Variants in IL20RB observed in about 807,000 individuals in gnomAD.
IL20RB encodes the protein interleukin 20 receptor subunit beta, also known as interleukin-20 receptor subunit beta.
In IL20RB, 21 loss-of-function variants were observed where a neutral mutation model predicts 33.3. The ratio of observed to expected loss-of-function variants is 0.63; its 90% confidence interval spans 0.45 to 0.91. The LOEUF (loss-of-function observed/expected upper bound fraction) is 0.91. Ranked by LOEUF, IL20RB falls within the 40% of genes least tolerant of loss-of-function variation. The pLI is 0.00. For missense variants in IL20RB, 345 were observed against 384.8 expected, an observed-to-expected ratio of 0.90 and a Z score of 0.86; for synonymous variants, 147 against 146.8, an observed-to-expected ratio of 1.00 and a Z score of -0.01.
intron 1 of IL20RB, among the ~76,000 whole-genome samples, chr3:136,959,869 GC>G (rs1447034332): frequency 6.6e-6 from 1 of 152,136 alleles, no homozygotes; most frequent in Non-Finnish European, 1.5e-5. Flanking sequence ...GGTCATAATA[GC>G]CACTTTGAGG....
At chr3:136,981,939 A>G (rs1019768390) in intron 2 of IL20RB, 3 of 366,186 alleles carry the variant, frequency 8.2e-6, no homozygotes, top group Non-Finnish European at 1.5e-5. Flanking sequence ...AAAGAGATCC[A>G]GACACATTGA....
rs754421464 is a variant in IL20RB, at chr3:136,975,739, G to A, written c.89-4727G>A. On this transcript the variant is annotated intron_variant, in intron 1 of 6. Transcript: ENST00000329582. ...TTATTGGAGTCTGTGGTGAAGTTGT[G>A]CTGTGGGATGCCAGATGGGCTGGTC... Among the ~76,000 whole-genome samples, 6 of 152,310 alleles carry A rather than the reference G, an allele frequency of 3.9e-5. No individual in the cohort carries two copies. In the East Asian group the frequency reaches 1.2e-3, roughly 29 times the overall value.
At chr3:137,000,906 G>C (rs1188773423) in intron 6 of IL20RB, among the ~76,000 whole-genome samples, 1 of 152,174 alleles carries the variant, frequency 6.6e-6, no homozygotes, top group Non-Finnish European at 1.5e-5. Context: ...GGGGCCAGAA[G>C]AGTTTTTCTC....
Position 136,982,439 on chromosome 3 carries a change from A to G in IL20RB, c.406+89A>G, listed in dbSNP as rs901374765. ...CTAAACTTTCTAGACTCTTTTTAGC[A>G]TCAGAATAGTCCTGCAAAGCCAGAG... is the stretch of plus-strand genomic sequence containing the variant. On this transcript the variant is annotated intron_variant, in intron 3 of 6. Transcript: ENST00000329582. The G allele has an allele frequency of 4.7e-5, 47 of 1,001,984 alleles. No homozygotes were observed. In the Middle Eastern group the frequency reaches 1.7e-3, roughly 37 times the overall value. 62.1% of individuals were successfully genotyped at this position (1,001,984 alleles called of 1,614,324 possible).
At chr3:137,008,381 A>C (rs1385578534) in intron 6 of IL20RB, among the ~76,000 whole-genome samples, 1 of 152,240 alleles carries the variant, frequency 6.6e-6, no homozygotes, top group Non-Finnish European at 1.5e-5. Flanking sequence ...CAGCGACAGC[A>C]GGTTGCTACC....
chr3:137,005,074 G>C (rs1372256464), intron 6 of IL20RB, among the ~76,000 whole-genome samples: 1 of 152,190 alleles, frequency 6.6e-6, no homozygotes, highest in Non-Finnish European at 1.5e-5. Flanking sequence ...TAGTTGTGTG[G>C]TTTTGAGTGA....
At chr3:137,000,899 G>T (rs1443107672) in intron 6 of IL20RB, among the ~76,000 whole-genome samples, 1 of 152,076 alleles carries the variant, frequency 6.6e-6, no homozygotes, top group Non-Finnish European at 1.5e-5. Context: ...CTATCAGGGG[G>T]CCAGAAGAGT....
At chr3:136,964,661 G>T (rs1577008553) in intron 1 of IL20RB, among the ~76,000 whole-genome samples, 1 of 91,276 alleles carries the variant, frequency 1.1e-5, no homozygotes, top group Admixed American at 1.4e-4. Context: ...TCACTCTGAT[G>T]GTAGTTTCTT....
At chr3:136,976,046 G>A (rs923782196) in intron 1 of IL20RB, among the ~76,000 whole-genome samples, 1 of 152,228 alleles carries the variant, frequency 6.6e-6, no homozygotes, top group Admixed American at 6.5e-5. Context: ...GTGACAGAGT[G>A]TGTAGGACAG....
At chr3:136,999,519 G>C (rs1486371319) in intron 6 of IL20RB, among the ~76,000 whole-genome samples, 3 of 151,498 alleles carry the variant, frequency 2.0e-5, no homozygotes, top group Non-Finnish European at 2.9e-5. Context: ...GGGCTTAACA[G>C]ATATGAGCCA....
intron 6 of IL20RB, among the ~76,000 whole-genome samples, chr3:137,007,180 T>A (rs1356812077): frequency 2.0e-5 from 3 of 152,124 alleles, no homozygotes; most frequent in Non-Finnish European, 4.4e-5. Flanking sequence ...GAGGGGCACC[T>A]GCCTGTATGA....
rs376092097 is a variant in IL20RB at position 136,987,865 on chromosome 3, C to A, written c.407-1576C>A. Among the ~76,000 whole-genome samples the A allele has an allele frequency of 6.6e-5, 10 of 152,292 alleles. No individual in the cohort carries two copies. In the East Asian group the frequency reaches 9.7e-4, roughly 15 times the overall value. Reference sequence around the variant, plus strand: ...CCCTCATTGCCGGGGCCGGCAGGGCCGGCCGGCTGCTCCGAGTGCGGGGCC... The same window carrying A: ...CCCTCATTGCCGGGGCCGGCAGGGCAGGCCGGCTGCTCCGAGTGCGGGGCC... On this transcript the variant is annotated intron_variant, in intron 3 of 6. Coordinates refer to ENST00000329582, the MANE Select transcript of IL20RB (RefSeq NM_144717.4).
intron 3 of IL20RB, among the ~76,000 whole-genome samples, chr3:136,987,727 C>T (rs910261924): frequency 6.6e-5 from 10 of 152,230 alleles, no homozygotes; most frequent in East Asian, 3.8e-4. Flanking sequence ...TCCCGAGCCA[C>T]GCCCCACGGG....
In IL20RB at chr3:136,958,044, G is replaced by C. The variant is rs1006384495; in HGVS notation, c.-70G>C. ...CTCCAACATATGCATTCTGAAGAAA[G>C]ATGGCTGAGATGGACAGAATGCTTT... is the stretch of plus-strand genomic sequence containing the variant. On this transcript the variant is annotated 5_prime_UTR_variant, in exon 1 of 7. Coordinates refer to ENST00000329582, the MANE Select transcript of IL20RB (RefSeq NM_144717.4). 5.3e-5 allele frequency: 50 copies of C among 941,798 alleles called. No individual in the cohort carries two copies. The highest frequency in any genetic ancestry group is 4.2e-4 in the Middle Eastern group (2 of 4,740). The allele number at this position is 941,798 out of a possible 1,614,324, so 58.3% of individuals were successfully genotyped here. A position where few individuals can be genotyped will look rare whatever the true frequency, so the allele number is the denominator to read the frequency against.
rs1933068996 is a variant in IL20RB at position 137,010,534 on chromosome 3, C to T, written c.*311C>T. 1.1e-5 allele frequency: 3 copies of T among 271,750 alleles called. No homozygotes were observed. The highest frequency in any genetic ancestry group is 2.1e-5 in the Non-Finnish European group (3 of 142,102). The allele number at this position is 271,750 out of a possible 1,614,324, so 16.8% of individuals were successfully genotyped here. ...TGTAATGGGGGAATTACCTACACACCTGCTAAACACACACACACAGAGTCT... is the reference window on the plus strand; with the variant it reads ...TGTAATGGGGGAATTACCTACACACTTGCTAAACACACACACACAGAGTCT... On this transcript the variant is annotated 3_prime_UTR_variant, in exon 7 of 7. Transcript: ENST00000329582.
chr3:136,987,850 C>T (rs964936039), intron 3 of IL20RB, among the ~76,000 whole-genome samples: 5 of 152,200 alleles, frequency 3.3e-5, no homozygotes, highest in African/African-American at 1.2e-4. Context: ...CCCTCATTGC[C>T]GGGGCCGGCA....
chr3:137,000,958 A>G (rs776210000), intron 6 of IL20RB, among the ~76,000 whole-genome samples: 2 of 152,200 alleles, frequency 1.3e-5, no homozygotes, highest in African/African-American at 2.4e-5. Context: ...CCCAAGACCC[A>G]GTGCCTTGTT....
At chr3:136,987,751 C>T (rs1180538074) in intron 3 of IL20RB, among the ~76,000 whole-genome samples, 1 of 152,338 alleles carries the variant, frequency 6.6e-6, no homozygotes, top group Non-Finnish European at 1.5e-5. Flanking sequence ...GCAGCTAAGG[C>T]CCGGTGAGAA....
chr3:137,000,528 C>A (rs2107717926), intron 6 of IL20RB, among the ~76,000 whole-genome samples: 1 of 152,314 alleles, frequency 6.6e-6, no homozygotes, highest in East Asian at 1.9e-4. Context: ...CAAGCATGAA[C>A]TTTTAGTTGC....
Sources: allele counts gnomAD v4.1 joint callset (sites outside exome capture counted in the v4.1 genomes callset), GRCh38; gene constraint gnomAD v4.1.1; transcripts MANE v1.5; gene names NCBI Gene and HGNC (gene_info 2026-07-23, HGNC 2026-07-21).